Variants in MLXIPL observed in about 807,000 individuals in gnomAD.
The protein encoded by MLXIPL is carbohydrate-responsive element-binding protein.
MLXIPL carries 49 observed loss-of-function variants against 81.5 expected under a neutral mutation model. The observed-to-expected ratio is 0.60, with a 90% CI of 0.48 to 0.76. The LOEUF is 0.76. Ranked by LOEUF, MLXIPL falls within the 30% of genes least tolerant of loss-of-function variation. The pLI is 0.00. For missense variants in MLXIPL, 1,053 were observed against 1,167.0 expected (o/e 0.90, Z 1.42); for synonymous variants, 466 against 485.5 (o/e 0.96, Z 0.53).
the MLXIPL span, among the ~76,000 whole-genome samples, chr7:73,638,300 CTTTATA>C: frequency 6.6e-5 from 10 of 152,170 alleles, no homozygotes; most frequent in African/African-American, 2.2e-4. Context: ...TCATCTAACA[CTTTATA>C]TTTATTTTAT....
At chr7:73,602,833 C>T (rs541713299) in intron 7 of MLXIPL, among the ~76,000 whole-genome samples, 31 of 152,346 alleles carry the variant, frequency 2.0e-4, no homozygotes, top group African/African-American at 7.0e-4. Context: ...GCCTAGGGCT[C>T]CTCCCTGCTC....
At chr7:73,607,114 C>G (rs1554598423) in intron 4 of MLXIPL, 96 bp from the exon 5 acceptor site, 5 of 1,492,630 alleles carry the variant, frequency 3.3e-6, no homozygotes, top group Non-Finnish European at 4.6e-6. Flanking sequence ...ATGAGATCCC[C>G]CATTTCCCAT....
rs782565694 is a variant in MLXIPL at position 73,596,400 on chromosome 7, T to A, written c.1902A>T (p.Gln634His). 1 of 1,611,728 alleles carries A rather than the reference T, an allele frequency of 6.2e-7. No homozygotes were observed. Among genetic ancestry groups the A allele is most frequent in the Non-Finnish European group, 8.5e-7 (1 of 1,179,594 alleles). Residue 634 changes from glutamine to histidine, a missense_variant, in exon 12 of 17, where the codon CAA becomes CAT. Gln to His is a conservative substitution (Grantham distance 24). Transcript: ENST00000313375. This position sits in a 1 kb window ranked among gnomAD's most constrained non-coding sequence, Gnocchi z 4.7. ...GTLSVRVSPP[Q>H]PILSRGRPDS... Reference sequence around the variant, plus strand: ...CTGGACGGCCCCGGCTGAGGATGGGTTGCGGGGGAGAGACACGGACGCTCA... The same window carrying A: ...CTGGACGGCCCCGGCTGAGGATGGGATGCGGGGGAGAGACACGGACGCTCA...
At chr7:73,599,896 G>C (rs1381414213) in intron 7 of MLXIPL, among the ~76,000 whole-genome samples, 1 of 152,064 alleles carries the variant, frequency 6.6e-6, no homozygotes, top group African/African-American at 2.4e-5. Context: ...ACCGTCTTGG[G>C]TGGAATGAGC....
At chr7:73,598,827 C>T (rs77163340) in intron 8 of MLXIPL, among the ~76,000 whole-genome samples, 4,528 of 152,058 alleles carry the variant, frequency 0.03, 228 homozygotes, top group African/African-American at 0.1. Flanking sequence ...AACTTCTGAA[C>T]TGCACCTGGG....
In MLXIPL at chr7:73,607,624, TGCAGGGG is replaced by T; in HGVS notation, c.442_448del (p.Pro148ArgfsTer28). 2 of 1,613,374 alleles carry T rather than the reference TGCAGGGG, an allele frequency of 1.2e-6. No homozygotes were observed. The highest frequency in any genetic ancestry group is 1.7e-6 in the Non-Finnish European group (2 of 1,179,994). On this transcript the variant is annotated frameshift_variant, in exon 3 of 17. Transcript: ENST00000313375. LOFTEE classifies it high-confidence loss of function. ...CCGGTGCGCATCAGCCTCAGGCCCC[TGCAGGGG>T]GGTCACGAAGCCACACACGGGGCTC...
chr7:73,639,476 C>T, the MLXIPL span, among the ~76,000 whole-genome samples: 2 of 152,118 alleles, frequency 1.3e-5, no homozygotes, highest in Non-Finnish European at 1.5e-5. Flanking sequence ...GTTAACAGAA[C>T]CTCATCTGTG....
At chr7:73,630,170 TG>T in the MLXIPL span, among the ~76,000 whole-genome samples, 1 of 151,818 alleles carries the variant, frequency 6.6e-6, no homozygotes, top group African/African-American at 2.4e-5. Flanking sequence ...GCTAATTTTT[TG>T]TACTTTTAGT....
At chr7:73,635,794 C>T in the MLXIPL span, among the ~76,000 whole-genome samples, 1 of 152,174 alleles carries the variant, frequency 6.6e-6, no homozygotes, top group African/African-American at 2.4e-5. Flanking sequence ...ATCCATCGTT[C>T]CATGTATACA....
chr7:73,637,670 A>G, the MLXIPL span, among the ~76,000 whole-genome samples: 2 of 152,054 alleles, frequency 1.3e-5, no homozygotes, highest in African/African-American at 4.8e-5. Context: ...GTTCTTACTG[A>G]TGGTAGATGG....
Position 73,616,168 on chromosome 7 carries a change from C to T in MLXIPL, c.303G>A (p.Leu101=). The T allele has an allele frequency of 6.2e-7, 1 of 1,613,642 alleles. No homozygotes were observed. The highest frequency in any genetic ancestry group is 1.1e-5 in the South Asian group (1 of 91,072). The change falls in exon 2 of 17, where the codon CTG becomes CTA. Residue 101 remains leucine, a synonymous_variant. Transcript: ENST00000313375. ...TGAAATTCTTCCACTTGGGAGACAC[C>T]AGCTTGCCACTGTCAAAGGGGAGAG... ...ECLSLAYSGK[L]VSPKWKNFKG... is the part of the protein sequence containing the mutation.
rs1554598777 is a variant in MLXIPL, at chr7:73,607,657, T to C, written c.416A>G (p.Lys139Arg). 6.2e-7 allele frequency: 1 copy of C among 1,613,320 alleles called. No individual in the cohort carries two copies. Among genetic ancestry groups the C allele is most frequent in the South Asian group, 1.1e-5 (1 of 91,072 alleles). ...AWYIQYVKRR[K>R]SPVCGFVTPL... Reference sequence around the variant, plus strand: ...GGTCACGAAGCCACACACGGGGCTCTTCCTCCGCTTCACATCTGAGAGAAG... The same window carrying C: ...GGTCACGAAGCCACACACGGGGCTCCTCCTCCGCTTCACATCTGAGAGAAG... The change falls in exon 3 of 17, where the codon AAG becomes AGG. Residue 139 changes from lysine to arginine, a missense_variant. Lys to Arg is a conservative substitution (Grantham distance 26). Around this residue, in one of 3 missense-constraint regions of MLXIPL, gnomAD observed 226 missense variants for 216.2 expected, o/e 1.05. Transcript: ENST00000313375.
At chr7:73,619,700 A>G (rs6975495) in intron 1 of MLXIPL, among the ~76,000 whole-genome samples, 41,383 of 150,228 alleles carry the variant, frequency 0.28, 5,923 homozygotes, top group African/African-American at 0.35. Context: ...GGAGGCCGAG[A>G]TGGGTGGATC....
intron 2 of MLXIPL, among the ~76,000 whole-genome samples, 180 bp from the exon 3 acceptor site, chr7:73,607,852 C>T (rs1554598878): frequency 9.4e-6 from 1 of 106,748 alleles, no homozygotes; most frequent in African/African-American, 3.9e-5. Context: ...CCTAGATCTT[C>T]CTTTTTTTTT....
chr7:73,596,325 G>C lies in MLXIPL; in HGVS notation c.1938+39C>G. 1 of 1,613,198 alleles carries C rather than the reference G, an allele frequency of 6.2e-7. No individual in the cohort carries two copies. Among genetic ancestry groups the C allele is most frequent in the Non-Finnish European group, 8.5e-7 (1 of 1,179,878 alleles). On this transcript the variant is annotated intron_variant, in intron 12 of 16. Transcript: ENST00000313375. The surrounding 1 kb of genome is among the most constrained non-coding windows in gnomAD (Gnocchi z 4.7). ...TAGGAAGGAGCCCAGGAGGGCCTGGGGGTAGCAAACCGATCTTGGGGTGGG... is the reference window on the plus strand; with the variant it reads ...TAGGAAGGAGCCCAGGAGGGCCTGGCGGTAGCAAACCGATCTTGGGGTGGG...
upstream of MLXIPL, chr7:73,624,612 G>A (rs1796613119): frequency 5.1e-6 from 7 of 1,382,446 alleles, no homozygotes; most frequent in South Asian, 6.7e-5. Flanking sequence ...GGGTGGGCGG[G>A]GCCTGGGACG....
intron 1 of MLXIPL, among the ~76,000 whole-genome samples, chr7:73,618,477 G>C (rs1563509680): frequency 6.6e-6 from 1 of 151,658 alleles, no homozygotes. Context: ...ATGTGGGTGG[G>C]TGCCAGTCTG....
upstream of MLXIPL, among the ~76,000 whole-genome samples, chr7:73,625,230 G>C (rs557202341): frequency 1.3e-5 from 2 of 152,216 alleles, no homozygotes; most frequent in African/African-American, 4.8e-5. Context: ...AAGCGCCTCA[G>C]GACCTGGGGT....
chr7:73,612,296 A>C (rs1795736668), intron 2 of MLXIPL, among the ~76,000 whole-genome samples: 1 of 151,906 alleles, frequency 6.6e-6, no homozygotes, highest in Non-Finnish European at 1.5e-5. Flanking sequence ...GCTCCACTGC[A>C]CTCCAGCCTG....
Sources: gnomAD v4.1 joint callset for allele counts (sites outside exome capture counted in the v4.1 genomes callset) on GRCh38, gnomAD v4.1.1 for gene constraint, gnomAD v4.1.1 regional missense constraint, Gnocchi (gnomAD v3.1) non-coding constraint, MANE v1.5 for transcripts, NCBI Gene and HGNC (gene_info 2026-07-23, HGNC 2026-07-21) for gene names.